SH3D19: variants seen among roughly 807,000 people sequenced by gnomAD.
SH3D19 encodes the protein SH3 domain containing 19.
Under a neutral mutation model 112.1 loss-of-function variants are expected in SH3D19, and 58 were observed. The observed-to-expected ratio is 0.52, with a 90% CI of 0.42 to 0.64. SH3D19 has a LOEUF of 0.64. SH3D19 is among the 30% of genes least tolerant of loss of function. SH3D19 has a pLI of 0.00. For synonymous variants in SH3D19, 391 were observed against 448.5 expected, an observed-to-expected ratio of 0.87 and a Z score of 1.62; for missense variants, 1,090 against 1,263.4, an observed-to-expected ratio of 0.86 and a Z score of 2.08.
chr4:151,143,152 GC>G (rs1039227442), intron 12 of SH3D19, among the ~76,000 whole-genome samples: 1 of 151,584 alleles, frequency 6.6e-6, no homozygotes, highest in Non-Finnish European at 1.5e-5. Flanking sequence ...TGGGAGGATT[GC>G]TTGAGCCGGG....
At chr4:151,138,606 G>A (rs1055189321) in intron 13 of SH3D19, among the ~76,000 whole-genome samples, 2 of 150,856 alleles carry the variant, frequency 1.3e-5, no homozygotes, top group African/African-American at 2.4e-5. Flanking sequence ...GAGGGAGGAG[G>A]ATCACTTGAG....
chr4:151,317,434 A>G (rs1046876269), intron 1 of SH3D19, among the ~76,000 whole-genome samples: 3 of 152,358 alleles, frequency 2.0e-5, no homozygotes, highest in African/African-American at 7.2e-5. Context: ...TCTAAGCACC[A>G]TTGGATGAAA....
intron 7 of SH3D19, among the ~76,000 whole-genome samples, chr4:151,166,873 C>T (rs1434769867): frequency 1.3e-5 from 2 of 152,188 alleles, no homozygotes; most frequent in Non-Finnish European, 2.9e-5. Context: ...AGTTCTCAGT[C>T]GATCTCACCA....
chr4:151,200,654 C>CA (rs1764261168), intron 2 of SH3D19, among the ~76,000 whole-genome samples: 1 of 151,996 alleles, frequency 6.6e-6, no homozygotes. Context: ...AAGAAAGTGA[C>CA]AAAGAAAATG....
rs1398707291 is a variant in SH3D19 at position 151,125,853 on chromosome 4, A to C, written c.3027+1765T>G. 4.8e-3 allele frequency among the ~76,000 whole-genome samples: 728 copies of C among 151,560 alleles called. 6 individuals are homozygous for C. Among genetic ancestry groups the C allele is most frequent in the African/African-American group, 0.016 (669 of 41,352 alleles). ...AGACTCCATCTCAAAAACAAAAAAA[A>C]AAAAAAAAAAAAAGAAAGGAAGGAA... On this transcript the variant is annotated intron_variant, in intron 19 of 19. Transcript: ENST00000604030.
At chr4:151,301,595 G>A (rs1728438092) in intron 1 of SH3D19, among the ~76,000 whole-genome samples, 1 of 152,108 alleles carries the variant, frequency 6.6e-6, no homozygotes, top group South Asian at 2.1e-4. Flanking sequence ...CTCGCCATGT[G>A]AAGATGTGCC....
At chr4:151,203,096 G>A (rs1764623205) in intron 2 of SH3D19, among the ~76,000 whole-genome samples, 1 of 152,118 alleles carries the variant, frequency 6.6e-6, no homozygotes, top group South Asian at 2.1e-4. Context: ...TCACTTCCAA[G>A]CTTGACTCCT....
Position 151,121,894 on chromosome 4 carries a change from T to A in SH3D19, c.*197A>T, listed in dbSNP as rs1295610414. 3 of 456,010 alleles carry A rather than the reference T, an allele frequency of 6.6e-6. No individual in the cohort carries two copies. The highest frequency in any genetic ancestry group is 1.2e-5 in the Non-Finnish European group (3 of 258,680). The allele number at this position is 456,010 out of a possible 1,614,324, so 28.2% of individuals were successfully genotyped here. A position where few individuals can be genotyped will look rare whatever the true frequency, so the allele number is the denominator to read the frequency against. On this transcript the variant is annotated 3_prime_UTR_variant, in exon 20 of 20. Coordinates refer to ENST00000604030, the MANE Select transcript of SH3D19 (RefSeq NM_001378122.1). ...TCGGTAGAATCCTAGCTCATGGGTTTCCATGTGCATGTTTCTATTGTAATG... is the reference window on the plus strand; with the variant it reads ...TCGGTAGAATCCTAGCTCATGGGTTACCATGTGCATGTTTCTATTGTAATG...
intron 9 of SH3D19, among the ~76,000 whole-genome samples, chr4:151,157,408 A>G (rs1430188803): frequency 1.4e-5 from 2 of 142,812 alleles, no homozygotes; most frequent in African/African-American, 4.9e-5. Context: ...CCCAGTTGGG[A>G]TGGCTATTAT....
At chr4:151,269,212 T>C (rs1216280868) in intron 1 of SH3D19, among the ~76,000 whole-genome samples, 1 of 152,230 alleles carries the variant, frequency 6.6e-6, no homozygotes, top group Admixed American at 6.5e-5. Flanking sequence ...CATTTTTTCA[T>C]GTGTTTTTTG....
chr4:151,253,154 C>T (rs1447958043), intron 1 of SH3D19, among the ~76,000 whole-genome samples: 1 of 152,234 alleles, frequency 6.6e-6, no homozygotes, highest in Non-Finnish European at 1.5e-5. Context: ...CAAGAGCCTA[C>T]ATCATTTGGC....
At chr4:151,277,034 G>A (rs931892176) in intron 1 of SH3D19, 8 of 529,818 alleles carry the variant, frequency 1.5e-5, no homozygotes, top group African/African-American at 1.4e-4. Context: ...CTGGCAGCGG[G>A]TGAAGACCAA....
intron 1 of SH3D19, chr4:151,279,870 G>GTCAGA (rs2150006306): frequency 1.2e-6 from 2 of 1,613,926 alleles, no homozygotes; most frequent in Non-Finnish European, 1.7e-6. Context: ...GCCTTGGCAG[G>GTCAGA]TCAGCCTACA....
intron 1 of SH3D19, among the ~76,000 whole-genome samples, chr4:151,258,037 G>C (rs1377832757): frequency 6.6e-6 from 1 of 152,112 alleles, no homozygotes; most frequent in Non-Finnish European, 1.5e-5. Flanking sequence ...AGTTTCCATA[G>C]TCCCTTGTCC....
At chr4:151,186,172 T>C (rs1026124687) in intron 3 of SH3D19, among the ~76,000 whole-genome samples, 1 of 152,222 alleles carries the variant, frequency 6.6e-6, no homozygotes, top group Non-Finnish European at 1.5e-5. Context: ...GCAATCCATG[T>C]TCTATTTTTA....
chr4:151,277,812 G>A (rs1240744806), intron 1 of SH3D19, among the ~76,000 whole-genome samples: 4 of 152,146 alleles, frequency 2.6e-5, no homozygotes, highest in Admixed American at 6.5e-5. Context: ...ATGCCAAGGC[G>A]GGCAGATCAC....
intron 1 of SH3D19, among the ~76,000 whole-genome samples, chr4:151,272,465 T>C (rs910875873): frequency 2.0e-5 from 3 of 152,216 alleles, no homozygotes; most frequent in Non-Finnish European, 4.4e-5. Context: ...TAGGAATAGA[T>C]ATTTTCTTAC....
At chr4:151,237,190 C>T (rs1770153464) in intron 1 of SH3D19, among the ~76,000 whole-genome samples, 1 of 152,178 alleles carries the variant, frequency 6.6e-6, no homozygotes. Context: ...GACACGCCGC[C>T]TTTAAGAGCT....
chr4:151,185,040 GTTTTTTTTTTTTTTTTT>G (rs66567240), intron 3 of SH3D19, among the ~76,000 whole-genome samples: 1 of 66,520 alleles, frequency 1.5e-5, no homozygotes, highest in Non-Finnish European at 2.7e-5. Context: ...GCTGTGTCCT[GTTTTTTTTTTTTTTTTT>G]TTTTTTTTTT....
Sources: allele counts gnomAD v4.1 joint callset (sites outside exome capture counted in the v4.1 genomes callset), GRCh38; gene constraint gnomAD v4.1.1; transcripts MANE v1.5; gene names NCBI Gene and HGNC (gene_info 2026-07-23, HGNC 2026-07-21).